The following ACAD10 variants were observed in gnomAD, a reference collection of about 807,000 sequenced individuals.
The protein encoded by ACAD10 is ACAD-10.
Under a neutral mutation model 116.8 loss-of-function variants are expected in ACAD10, and 112 were observed. The observed-to-expected ratio is 0.96, with a 90% confidence interval of 0.82 to 1.12. The LOEUF is 1.12. ACAD10 is among the 50% of genes most tolerant of loss of function. The pLI is 0.00. For synonymous variants in ACAD10, 486 were observed against 510.6 expected (o/e 0.95, Z 0.65); for missense variants, 1,259 against 1,350.2 (o/e 0.93, Z 1.06).
At chr12:111,712,171 G>A (rs536751624) in intron 5 of ACAD10, among the ~76,000 whole-genome samples, 7 of 152,308 alleles carry the variant, frequency 4.6e-5, no homozygotes, top group African/African-American at 7.2e-5. Context: ...TTTGTTTGGT[G>A]TACTGTTGTG....
intron 19 of ACAD10, among the ~76,000 whole-genome samples, chr12:111,754,371 T>G (rs1890150722): frequency 6.6e-6 from 1 of 152,228 alleles, no homozygotes; most frequent in African/African-American, 2.4e-5. Flanking sequence ...CAGGCTAGAA[T>G]GCAGTGGTAC....
chr12:111,721,791 G>T, intron 8 of ACAD10, 52 bp downstream of exon 8: 1 of 1,465,350 alleles, frequency 6.8e-7, no homozygotes. Flanking sequence ...GGAGAGAAAA[G>T]CCCATATGCT....
At position 111,753,766 on chromosome 12, in the gene ACAD10, C is replaced by G. The variant is rs576218219; in HGVS notation, c.2818-6C>G. 8.1e-6 allele frequency: 13 copies of G among 1,613,824 alleles called. No individual in the cohort carries two copies. Among genetic ancestry groups the G allele is most frequent in the Non-Finnish European group, 1.1e-5 (13 of 1,179,990 alleles). On this transcript the variant is annotated splice_polypyrimidine_tract_variant and splice_region_variant and intron_variant, in intron 18 of 20. Transcript: ENST00000313698. The stretch of plus-strand genomic sequence containing the variant: ...GTCCTCAGCCGCACATCTCCTGTGT[C>G]GACAGGTGAAGTCCCGCTTGGCTTT...
In ACAD10 at chr12:111,746,299, GT is replaced by G. The variant is rs772121701; in HGVS notation, c.2256+19del. 4.2e-5 allele frequency: 67 copies of G among 1,607,076 alleles called. No individual in the cohort carries two copies. The African/African-American group carries it at 8.2e-4, about 20-fold the overall frequency. On this transcript the variant is annotated intron_variant, in intron 14 of 20. Transcript: ENST00000313698. ...ATGCCCCCGAGGTACCTTCTTTAAA[GT>G]TTTCCTCAGTGTGTGGGAACATCCT... is the stretch of plus-strand genomic sequence containing the variant.
intron 12 of ACAD10, among the ~76,000 whole-genome samples, chr12:111,740,123 C>G (rs527826464): frequency 6.6e-6 from 1 of 152,056 alleles, no homozygotes; most frequent in South Asian, 2.1e-4. Context: ...CAGTAGAACC[C>G]GTAGGCTTGT....
chr12:111,712,573 A>G lies in ACAD10; in HGVS notation c.766A>G (p.Thr256Ala). Residue 256 changes from threonine to alanine, a missense_variant, in exon 6 of 21, where the codon ACT becomes GCT. By Grantham distance (58) the Thr-to-Ala change is moderately conservative. Coordinates refer to ENST00000313698, the MANE Select transcript of ACAD10 (RefSeq NM_025247.6). The stretch of plus-strand genomic sequence containing the variant: ...TACATTGAGAGTAGGTGTTCCAAAC[A>G]CTCGGCCTGTGAAAAAGACGATGGA... The part of the protein sequence containing the change: ...GFTLRVGVPN[T>A]RPVKKTMEIP... 6.2e-7 allele frequency: 1 copy of G among 1,614,028 alleles called. No individual in the cohort carries two copies. Among genetic ancestry groups the G allele is most frequent in the Non-Finnish European group, 8.5e-7 (1 of 1,179,974 alleles).
At chr12:111,729,324 G>A (rs1205999729) in intron 9 of ACAD10, among the ~76,000 whole-genome samples, 1 of 152,002 alleles carries the variant, frequency 6.6e-6, no homozygotes, top group Non-Finnish European at 1.5e-5. Flanking sequence ...TTCAACCTCC[G>A]CCTCCTGGGT....
intron 18 of ACAD10, chr12:111,753,462 C>G (rs1329235408): frequency 1.7e-6 from 1 of 574,290 alleles, no homozygotes; most frequent in Admixed American, 2.2e-5. Context: ...CTGCTCCTGT[C>G]TGGTAGCCAG....
chr12:111,749,633 T>A, intron 18 of ACAD10: 1 of 394,790 alleles, frequency 2.5e-6, no homozygotes. Context: ...GCTAGCACAT[T>A]ATTAAAAATC....
intron 2 of ACAD10, among the ~76,000 whole-genome samples, chr12:111,697,453 C>A (rs1242317415): frequency 6.6e-6 from 1 of 150,684 alleles, no homozygotes; most frequent in Admixed American, 6.6e-5. Context: ...CTCCATCTCC[C>A]GGGTTCAAGC....
intron 18 of ACAD10, among the ~76,000 whole-genome samples, chr12:111,752,196 G>C (rs1038107815): frequency 6.6e-6 from 1 of 151,976 alleles, no homozygotes; most frequent in Non-Finnish European, 1.5e-5. Context: ...TTGCACTGCA[G>C]CCTGGGTAAC....
In ACAD10 at chr12:111,686,080, A is replaced by C; in HGVS notation, c.-173A>C. The stretch of plus-strand genomic sequence containing the variant: ...TGCTCTTCCGGACGCAATTTTGAGG[A>C]GGTCGGAGCGGAAGGACGTCGTGGA... On this transcript the variant is annotated 5_prime_UTR_variant, in exon 1 of 21. Coordinates refer to ENST00000313698, the MANE Select transcript of ACAD10 (RefSeq NM_025247.6). The C allele has an allele frequency of 9.3e-6, 2 of 214,178 alleles. No individual in the cohort carries two copies. Among genetic ancestry groups the C allele is most frequent in the Non-Finnish European group, 1.9e-5 (2 of 108,100 alleles). 13.3% of individuals were successfully genotyped at this position (214,178 alleles called of 1,614,324 possible). A position where few individuals can be genotyped will look rare whatever the true frequency, so the allele number is the denominator to read the frequency against.
chr12:111,742,917 C>T (rs1046056536), intron 12 of ACAD10, among the ~76,000 whole-genome samples: 1 of 151,896 alleles, frequency 6.6e-6, no homozygotes, highest in East Asian at 1.9e-4. Context: ...ACCATGTTGC[C>T]CAGGCTGGTC....
At chr12:111,755,591 T>A (rs1037968675) in intron 19 of ACAD10, 77 bp from the exon 20 acceptor site, 3 of 1,042,726 alleles carry the variant, frequency 2.9e-6, no homozygotes, top group Admixed American at 1.8e-5. Context: ...TTAGTAGAGA[T>A]GGGGGACGGG....
chr12:111,754,040 G>T (rs973660263), intron 19 of ACAD10, 125 bp downstream of exon 19: 2 of 1,378,824 alleles, frequency 1.5e-6, no homozygotes, highest in Non-Finnish European at 1.9e-6. Flanking sequence ...AGCTGTTTGG[G>T]CAGTTTTTCA....
At chr12:111,703,928 C>T (rs1238241648) in intron 3 of ACAD10, among the ~76,000 whole-genome samples, 1 of 148,128 alleles carries the variant, frequency 6.8e-6, no homozygotes, top group African/African-American at 2.5e-5. Context: ...TATATATAAA[C>T]ATATATGTGT....
At chr12:111,742,651 G>A (rs1355244852) in intron 12 of ACAD10, among the ~76,000 whole-genome samples, 1 of 152,144 alleles carries the variant, frequency 6.6e-6, no homozygotes, top group Non-Finnish European at 1.5e-5. Flanking sequence ...TTTGAGGCCA[G>A]AAGTTCGAGA....
rs1352366079 is a variant in ACAD10, at chr12:111,756,609, G to A, written c.*136G>A. On this transcript the variant is annotated 3_prime_UTR_variant, in exon 21 of 21. Transcript: ENST00000313698. ...AGCTCTGTCCCGGGACAGTCAGGGTGGACTCAATCTTTCTGGTTCTCCACA... is the reference window on the plus strand; with the variant it reads ...AGCTCTGTCCCGGGACAGTCAGGGTAGACTCAATCTTTCTGGTTCTCCACA... The A allele has an allele frequency of 1.5e-6, 2 of 1,365,820 alleles. No homozygotes were observed. Among genetic ancestry groups the A allele is most frequent in the Non-Finnish European group, 2.0e-6 (2 of 992,618 alleles). The allele number at this position is 1,365,820 out of a possible 1,614,324, so 84.6% of individuals were successfully genotyped here.
At chr12:111,755,773 T>C (rs1214339561) in intron 20 of ACAD10, 28 bp downstream of exon 20, 1 of 1,607,598 alleles carries the variant, frequency 6.2e-7, no homozygotes, top group Admixed American at 1.7e-5. Context: ...AGTTGGCTTA[T>C]TTGAACCATC....
Sources: gnomAD v4.1 joint callset for allele counts (sites outside exome capture counted in the v4.1 genomes callset) on GRCh38, gnomAD v4.1.1 for gene constraint, MANE v1.5 for transcripts, NCBI Gene and HGNC (gene_info 2026-07-23, HGNC 2026-07-21) for gene names.